LIPN: variants seen among roughly 807,000 people sequenced by gnomAD.
LIPN encodes lipase family member N.
Under a neutral mutation model 43.7 loss-of-function variants are expected in LIPN, and 32 were observed. The ratio of observed to expected loss-of-function variants is 0.73; its 90% confidence interval spans 0.55 to 0.98. LIPN has a LOEUF of 0.98. LIPN is among the 50% of genes least tolerant of loss of function. The pLI is 0.00. For missense variants in LIPN, 505 were observed against 483.8 expected (o/e 1.04, Z -0.41); for synonymous variants, 156 against 157.6 (o/e 0.99, Z 0.08).
At chr10:88,769,320 T>A (rs1843166174) in intron 6 of LIPN, among the ~76,000 whole-genome samples, 1 of 151,886 alleles carries the variant, frequency 6.6e-6, no homozygotes, top group Non-Finnish European at 1.5e-5. Flanking sequence ...ATGTGTCCAA[T>A]TTTGACATTA....
In LIPN at chr10:88,762,810, C is replaced by A. The variant is rs1287164841; in HGVS notation, c.226+505C>A. On this transcript the variant is annotated intron_variant, in intron 3 of 9. Coordinates refer to ENST00000404459, the MANE Select transcript of LIPN (RefSeq NM_001102469.2). ...TTCCAGGACTGAAAACCTTAACATC[C>A]ACATACACTTTGATCTAAGGGACAG... Among the ~76,000 whole-genome samples the A allele has an allele frequency of 2.6e-5, 4 of 152,008 alleles. No homozygotes were observed. In the East Asian group the frequency reaches 7.7e-4, roughly 29 times the overall value.
intron 9 of LIPN, among the ~76,000 whole-genome samples, 180 bp from the exon 10 acceptor site, chr10:88,777,829 A>G (rs1347984858): frequency 1.3e-5 from 2 of 152,084 alleles, no homozygotes; most frequent in African/African-American, 2.4e-5. Context: ...TTTGTATACA[A>G]ATATTTGCCT....
At chr10:88,758,996 A>G (rs1227443082), upstream of LIPN, among the ~76,000 whole-genome samples, 6 of 152,160 alleles carry the variant, frequency 3.9e-5, no homozygotes, top group Non-Finnish European at 8.8e-5. Context: ...ACCATGAGAA[A>G]TTCCAGGAAA....
chr10:88,768,128 C>T (rs1378721722), intron 5 of LIPN, among the ~76,000 whole-genome samples: 1 of 151,228 alleles, frequency 6.6e-6, no homozygotes, highest in South Asian at 2.1e-4. Context: ...CCTAGCCTAC[C>T]CAGTGTTGTG....
intron 5 of LIPN, 71 bp downstream of exon 5, chr10:88,766,449 C>G: frequency 1.1e-6 from 1 of 895,534 alleles, no homozygotes; most frequent in Non-Finnish European, 1.9e-6. Flanking sequence ...CAGGAGTTCA[C>G]CTTTATGTTG....
In LIPN at chr10:88,770,995, T is replaced by G. The variant is rs1231745401; in HGVS notation, c.819+4T>G. The G allele has an allele frequency of 1.9e-6, 3 of 1,562,562 alleles. No individual in the cohort carries two copies. The African/African-American group carries it at 4.1e-5, about 21-fold the overall frequency. ...CAACAAGAAAAATATGAATCAGGTA[T>G]GTATGATAATTATAGGGCCATTTGA... On this transcript the variant is annotated splice_donor_region_variant and intron_variant, in intron 7 of 9. Transcript: ENST00000404459.
Position 88,774,906 on chromosome 10 carries a change from C to T in LIPN, c.892-186C>T, listed in dbSNP as rs146125318. ...TTTTCCATGAACTTTTCCTTTAAAC[C>T]AAGGGGGGTATTGCTCATCTTTCTG... On this transcript the variant is annotated intron_variant, in intron 8 of 9. Coordinates refer to ENST00000404459, the MANE Select transcript of LIPN (RefSeq NM_001102469.2). Among the ~76,000 whole-genome samples the T allele has an allele frequency of 6.6e-5, 10 of 151,802 alleles. No homozygotes were observed. The East Asian group carries it at 1.9e-3, about 29-fold the overall frequency.
Position 88,778,045 on chromosome 10 carries a change from G to A in LIPN, c.1000G>A (p.Val334Met). 1 of 1,613,396 alleles carries A rather than the reference G, an allele frequency of 6.2e-7. No homozygotes were observed. Among genetic ancestry groups the A allele is most frequent in the Non-Finnish European group, 8.5e-7 (1 of 1,179,572 alleles). The change falls in exon 10 of 10, where the codon GTG becomes ATG. Residue 334 changes from valine to methionine, a missense_variant. Coordinates refer to ENST00000404459, the MANE Select transcript of LIPN (RefSeq NM_001102469.2). ...PPIYDLTAMK[V>M]PTAIWAGGHD... is the part of the protein sequence containing the mutation. ...TATATATGACCTGACTGCCATGAAA[G>A]TGCCTACTGCTATTTGGGCTGGTGG...
upstream of LIPN, among the ~76,000 whole-genome samples, chr10:88,759,983 T>A (rs910265828): frequency 2.6e-5 from 4 of 152,108 alleles, no homozygotes; most frequent in Non-Finnish European, 5.9e-5. Flanking sequence ...CTGTTTCTCA[T>A]CTCTCTAGCT....
chr10:88,772,377 T>G (rs1843224334), intron 7 of LIPN, among the ~76,000 whole-genome samples: 1 of 151,898 alleles, frequency 6.6e-6, no homozygotes, highest in South Asian at 2.1e-4. Context: ...TTTAGTAGTT[T>G]CATAGTTTTA....
Position 88,764,662 on chromosome 10 carries a change from A to G in LIPN, c.425+54A>G, listed in dbSNP as rs1357397209. On this transcript the variant is annotated intron_variant, in intron 4 of 9. Transcript: ENST00000404459. Reference sequence around the variant, plus strand: ...GGAAATTGGAGGCAATTTAAAAAAAATAACGTGGACGCTATTAATGATTAT... The same window carrying G: ...GGAAATTGGAGGCAATTTAAAAAAAGTAACGTGGACGCTATTAATGATTAT... The G allele has an allele frequency of 3.1e-6, 4 of 1,288,002 alleles. No individual in the cohort carries two copies. In the Admixed American group the frequency reaches 6.8e-5, roughly 22 times the overall value. 79.8% of individuals were successfully genotyped at this position (1,288,002 alleles called of 1,614,324 possible).
intron 5 of LIPN, among the ~76,000 whole-genome samples, chr10:88,766,744 T>G (rs982785106): frequency 6.6e-5 from 10 of 151,942 alleles, no homozygotes. Flanking sequence ...ACATAATAAA[T>G]GTGCATCAAT....
At chr10:88,773,682 C>T (rs1843248084) in intron 7 of LIPN, among the ~76,000 whole-genome samples, 1 of 151,900 alleles carries the variant, frequency 6.6e-6, no homozygotes, top group Non-Finnish European at 1.5e-5. Flanking sequence ...GAGGCTGTTA[C>T]AGTGAAGCCA....
chr10:88,774,438 G>T, intron 7 of LIPN, 35 bp from the exon 8 acceptor site: 2 of 1,495,970 alleles, frequency 1.3e-6, no homozygotes, highest in Non-Finnish European at 1.8e-6. Flanking sequence ...AATTTTGTTG[G>T]GCAATTGCTG....
Position 88,762,164 on chromosome 10 carries a change from AACGACTGTATTTT to A in LIPN, c.109-23_109-11del. On this transcript the variant is annotated splice_polypyrimidine_tract_variant and intron_variant, in intron 2 of 9. Transcript: ENST00000404459. ...TTATATCCTTTGGAGAAGTTCCACT[AACGACTGTATTTT>A]TACTGGGCAGAGTGAAATCATCATC... 1 of 1,264,968 alleles carries A rather than the reference AACGACTGTATTTT, an allele frequency of 7.9e-7. No individual in the cohort carries two copies. Among genetic ancestry groups the A allele is most frequent in the Non-Finnish European group, 1.1e-6 (1 of 875,132 alleles). The allele number at this position is 1,264,968 out of a possible 1,614,324, so 78.4% of individuals were successfully genotyped here. A position where few individuals can be genotyped will look rare whatever the true frequency, so the allele number is the denominator to read the frequency against.
At chr10:88,761,629 G>T (rs1245743865) in intron 2 of LIPN, 116 bp downstream of exon 2, 2 of 700,780 alleles carry the variant, frequency 2.9e-6, no homozygotes, top group African/African-American at 3.6e-5. Context: ...AATGTAGATG[G>T]TTTTTAACCT....
At chr10:88,761,095 T>C (rs1388124995) in intron 1 of LIPN, among the ~76,000 whole-genome samples, 1 of 152,126 alleles carries the variant, frequency 6.6e-6, no homozygotes, top group East Asian at 1.9e-4. Flanking sequence ...TTTTGTCAAA[T>C]TGTAGGCAAA....
At chr10:88,773,885 A>G (rs2134858344) in intron 7 of LIPN, among the ~76,000 whole-genome samples, 1 of 152,084 alleles carries the variant, frequency 6.6e-6, no homozygotes, top group Non-Finnish European at 1.5e-5. Context: ...CATCTCTATA[A>G]CGTTTACAAA....
chr10:88,765,108 T>A (rs1404948765), intron 4 of LIPN, among the ~76,000 whole-genome samples: 1 of 152,002 alleles, frequency 6.6e-6, no homozygotes, highest in Non-Finnish European at 1.5e-5. Flanking sequence ...TGTGATTGAT[T>A]TAGAGAAACT....
Sources: gnomAD v4.1 joint callset for allele counts (sites outside exome capture counted in the v4.1 genomes callset) on GRCh38, gnomAD v4.1.1 for gene constraint, MANE v1.5 for transcripts, NCBI Gene and HGNC (gene_info 2026-07-23, HGNC 2026-07-21) for gene names.